Variants in LRP1B observed in about 807,000 individuals in gnomAD.
LRP1B encodes the protein LDL receptor related protein 1B, also known as low-density lipoprotein receptor-related protein 1B.
Under a neutral mutation model 556.6 loss-of-function variants are expected in LRP1B, and 217 were observed. The observed-to-expected ratio is 0.39, with a 90% CI of 0.35 to 0.44. The LOEUF (loss-of-function observed/expected upper bound fraction) is 0.44, where lower values mean the gene tolerates loss of function less well. LRP1B is among the 20% of genes least tolerant of loss of function. The probability of loss-of-function intolerance (pLI) is 1.00; values close to 1 mark genes in which losing one functional copy is unlikely to be tolerated. For missense variants in LRP1B, 5,053 were observed against 5,620.8 expected (o/e 0.90, Z 3.23); for synonymous variants, 2,047 against 1,865.8 (o/e 1.10, Z -2.50).
chr2:140,972,009 G>A lies in LRP1B; in HGVS notation c.2887+10151C>T, dbSNP rs572910006. Among the ~76,000 whole-genome samples the A allele has an allele frequency of 6.6e-5, 10 of 152,310 alleles. No individual in the cohort carries two copies. The South Asian group carries it at 8.3e-4, about 13-fold the overall frequency. On this transcript the variant is annotated intron_variant, in intron 18 of 90. Transcript: ENST00000389484. ...TCAAGCAAGAAATTGGGGAAATGCT[G>A]AGTTAGAACAAGAAACTACAAGCCG...
intron 7 of LRP1B, among the ~76,000 whole-genome samples, chr2:141,168,469 C>CT (rs1680360555): frequency 6.6e-6 from 1 of 151,944 alleles, no homozygotes; most frequent in South Asian, 2.1e-4. Context: ...AGACAGTAAA[C>CT]TATTAAATAA....
chr2:141,135,961 G>C (rs1701481271), intron 7 of LRP1B, among the ~76,000 whole-genome samples: 1 of 151,158 alleles, frequency 6.6e-6, no homozygotes, highest in African/African-American at 2.4e-5. Flanking sequence ...AATGATTTCT[G>C]AATTATGTTT....
intron 15 of LRP1B, among the ~76,000 whole-genome samples, chr2:140,999,930 G>A (rs1697364479): frequency 6.6e-6 from 1 of 151,886 alleles, no homozygotes; most frequent in East Asian, 1.9e-4. Context: ...ATTTATTTTT[G>A]AGATGGGGTC....
At chr2:141,602,742 C>T (rs16846564) in intron 2 of LRP1B, among the ~76,000 whole-genome samples, 13,109 of 152,110 alleles carry the variant, frequency 0.086, 707 homozygotes, top group South Asian at 0.19. Flanking sequence ...AGGGCCTAAA[C>T]CTATAAATAG....
chr2:140,555,932 C>A (rs1453616476), intron 43 of LRP1B, among the ~76,000 whole-genome samples: 1 of 151,954 alleles, frequency 6.6e-6, no homozygotes, highest in Non-Finnish European at 1.5e-5. Context: ...TTTATCTAAG[C>A]AAGTCATACG....
chr2:140,532,963 G>C (rs1222285542), intron 47 of LRP1B, among the ~76,000 whole-genome samples: 3 of 45,818 alleles, frequency 6.5e-5, no homozygotes, highest in African/African-American at 1.3e-4. Context: ...TATATATCTC[G>C]ATCTGTTTAC....
At chr2:141,890,633 C>A (rs150698244) in intron 1 of LRP1B, among the ~76,000 whole-genome samples, 1 of 151,830 alleles carries the variant, frequency 6.6e-6, no homozygotes, top group Non-Finnish European at 1.5e-5. Context: ...AGGGCCCCGA[C>A]AGTCAATTAT....
intron 41 of LRP1B, among the ~76,000 whole-genome samples, chr2:140,663,826 A>G (rs1449409367): frequency 6.6e-6 from 1 of 152,196 alleles, no homozygotes; most frequent in African/African-American, 2.4e-5. Flanking sequence ...GCGTTTCAAC[A>G]TGCTTTCCTC....
chr2:141,902,836 C>A (rs943129889), intron 1 of LRP1B, among the ~76,000 whole-genome samples: 2 of 152,030 alleles, frequency 1.3e-5, no homozygotes, highest in African/African-American at 4.8e-5. Flanking sequence ...TCTGCAGTAA[C>A]TATAGCAATT....
At chr2:140,707,587 T>C (rs1686884563) in intron 37 of LRP1B, among the ~76,000 whole-genome samples, 1 of 152,108 alleles carries the variant, frequency 6.6e-6, no homozygotes, top group African/African-American at 2.4e-5. Context: ...CATGGCTACA[T>C]CTTCAGATCA....
intron 2 of LRP1B, among the ~76,000 whole-genome samples, chr2:141,631,558 A>T (rs1007765393): frequency 6.9e-6 from 1 of 145,162 alleles, no homozygotes; most frequent in Non-Finnish European, 1.5e-5. Flanking sequence ...AAAAAAAAAA[A>T]GGGGAAATTC....
intron 60 of LRP1B, among the ~76,000 whole-genome samples, chr2:140,472,155 C>T (rs1395248340): frequency 1.3e-5 from 2 of 152,122 alleles, no homozygotes; most frequent in African/African-American, 4.8e-5. Context: ...GAGACTCATT[C>T]ATCTTTACAA....
intron 2 of LRP1B, among the ~76,000 whole-genome samples, chr2:141,656,613 CA>C (rs1289191371): frequency 6.6e-6 from 1 of 152,056 alleles, no homozygotes; most frequent in Non-Finnish European, 1.5e-5. Flanking sequence ...GCATTGTGTG[CA>C]AAGCAGTACA....
intron 35 of LRP1B, among the ~76,000 whole-genome samples, chr2:140,725,597 AT>A (rs1392123749): frequency 6.6e-6 from 1 of 151,614 alleles, no homozygotes; most frequent in Non-Finnish European, 1.5e-5. Flanking sequence ...TGACGAGTTA[AT>A]GGGTGCAGCA....
intron 35 of LRP1B, among the ~76,000 whole-genome samples, chr2:140,753,786 A>G (rs1688659006): frequency 6.6e-6 from 1 of 152,136 alleles, no homozygotes; most frequent in South Asian, 2.1e-4. Flanking sequence ...CTCCCAATAA[A>G]AAGTCTCATT....
chr2:141,115,759 G>A (rs2104981025), intron 7 of LRP1B, among the ~76,000 whole-genome samples: 1 of 152,100 alleles, frequency 6.6e-6, no homozygotes, highest in South Asian at 2.1e-4. Flanking sequence ...TGGAATTACA[G>A]GCGTGAGCCA....
chr2:140,678,675 T>C (rs1429232976), intron 41 of LRP1B, among the ~76,000 whole-genome samples: 2 of 152,062 alleles, frequency 1.3e-5, no homozygotes, highest in Non-Finnish European at 2.9e-5. Context: ...TGGGGTTGCT[T>C]ACGCAACAAA....
chr2:140,844,292 G>C (rs1989726), intron 29 of LRP1B, among the ~76,000 whole-genome samples: 2,297 of 152,200 alleles, frequency 0.015, 73 homozygotes, highest in Admixed American at 0.074. Flanking sequence ...CCAAAGTCCT[G>C]ACCTCAGGTG....
At chr2:140,321,917 TG>T (rs1680156448) in intron 82 of LRP1B, 45 bp downstream of exon 82, 1 of 1,557,236 alleles carries the variant, frequency 6.4e-7, no homozygotes, top group Non-Finnish European at 8.7e-7. Context: ...TGAAATTTTA[TG>T]ATAAGGATTA....
Sources: gnomAD v4.1 joint callset for allele counts (sites outside exome capture counted in the v4.1 genomes callset) on GRCh38, gnomAD v4.1.1 for gene constraint, MANE v1.5 for transcripts, NCBI Gene and HGNC (gene_info 2026-07-23, HGNC 2026-07-21) for gene names.